The following VDAC1 variants were observed in gnomAD, a reference collection of about 807,000 sequenced individuals.
VDAC1 encodes non-selective voltage-gated ion channel VDAC1.
VDAC1 carries 10 observed loss-of-function variants against 34.7 expected under a neutral mutation model. The ratio of observed to expected loss-of-function variants is 0.29; its 90% CI spans 0.18 to 0.49. VDAC1 has a LOEUF of 0.49. VDAC1 is among the 20% of genes least tolerant of loss of function. The probability of loss-of-function intolerance (pLI) is 0.99; values close to 1 mark genes in which losing one functional copy is unlikely to be tolerated. For missense variants in VDAC1, 230 were observed against 347.9 expected (o/e 0.66, Z 2.69); for synonymous variants, 130 against 136.0 (o/e 0.96, Z 0.30).
At chr5:134,099,468 C>T in the VDAC1 span, among the ~76,000 whole-genome samples, 1 of 152,226 alleles carries the variant, frequency 6.6e-6, no homozygotes, top group African/African-American at 2.4e-5. Context: ...ACCAGCCTGG[C>T]GCAGTCCGGC....
chr5:134,103,354 T>C, the VDAC1 span, among the ~76,000 whole-genome samples: 172 of 152,278 alleles, frequency 1.1e-3, no homozygotes, highest in African/African-American at 3.8e-3. Flanking sequence ...ACTCCTGGGC[T>C]CCAAGTGATC....
chr5:134,093,061 A>G, the VDAC1 span, among the ~76,000 whole-genome samples: 3 of 152,244 alleles, frequency 2.0e-5, no homozygotes, highest in Non-Finnish European at 4.4e-5. Flanking sequence ...TGAGTCATAA[A>G]TCTACCAGCA....
chr5:133,989,469 C>T (rs1753022134), intron 5 of VDAC1, among the ~76,000 whole-genome samples: 1 of 151,638 alleles, frequency 6.6e-6, no homozygotes, highest in South Asian at 2.1e-4. Context: ...AAGCGATTCT[C>T]ATGCCTCAGC....
the VDAC1 span, among the ~76,000 whole-genome samples, chr5:134,015,126 G>A: frequency 6.6e-5 from 10 of 152,180 alleles, no homozygotes; most frequent in African/African-American, 2.2e-4. Flanking sequence ...ACCAAATACT[G>A]CATGTTCTCA....
At chr5:134,055,586 ATGTTTTTTT>A in the VDAC1 span, among the ~76,000 whole-genome samples, 80 of 60,076 alleles carry the variant, frequency 1.3e-3, no homozygotes, top group Non-Finnish European at 1.9e-3. Flanking sequence ...CGCCCCGCTA[ATGTTTTTTT>A]TTTTTTTTTT....
intron 1 of VDAC1, among the ~76,000 whole-genome samples, chr5:134,003,884 G>A (rs913035082): frequency 6.6e-6 from 1 of 152,214 alleles, no homozygotes; most frequent in African/African-American, 2.4e-5. Flanking sequence ...CCAAAGTCAG[G>A]CTCCGAAACA....
At chr5:134,064,835 A>G in the VDAC1 span, among the ~76,000 whole-genome samples, 1 of 151,430 alleles carries the variant, frequency 6.6e-6, no homozygotes, top group Non-Finnish European at 1.5e-5. Flanking sequence ...CTCCCACCTC[A>G]GCCTCCCAAG....
chr5:134,104,990 G>A, the VDAC1 span, among the ~76,000 whole-genome samples: 4 of 152,192 alleles, frequency 2.6e-5, no homozygotes, highest in South Asian at 2.1e-4. Flanking sequence ...CAAGTGAGGC[G>A]GCACTCTGAC....
chr5:134,077,904 G>A, the VDAC1 span, among the ~76,000 whole-genome samples: 2 of 152,230 alleles, frequency 1.3e-5, no homozygotes, highest in African/African-American at 4.8e-5. Flanking sequence ...CATGTTCAGA[G>A]CAATTCCCTG....
At chr5:133,995,049 G>A (rs1016807255) in intron 1 of VDAC1, among the ~76,000 whole-genome samples, 1 of 152,174 alleles carries the variant, frequency 6.6e-6, no homozygotes, top group East Asian at 1.9e-4. Flanking sequence ...TTCCCCAAAT[G>A]CCCTCTCTCA....
chr5:134,044,798 G>C, the VDAC1 span, among the ~76,000 whole-genome samples: 1 of 152,168 alleles, frequency 6.6e-6, no homozygotes, highest in Middle Eastern at 3.2e-3. Context: ...AATATTTCTT[G>C]AGCTCCTACC....
chr5:133,978,793 G>A (rs10069016), intron 6 of VDAC1, among the ~76,000 whole-genome samples: 31,604 of 151,968 alleles, frequency 0.21, 3,536 homozygotes, highest in East Asian at 0.45. Flanking sequence ...CGGGCAGATC[G>A]CTTGAGCTCA....
the VDAC1 span, among the ~76,000 whole-genome samples, chr5:134,017,729 C>T: frequency 5.9e-5 from 9 of 151,918 alleles, no homozygotes; most frequent in South Asian, 4.2e-4. Flanking sequence ...CTGGCTAACA[C>T]GGTGAAACCC....
At chr5:134,007,614 G>T (rs919699607), upstream of VDAC1, among the ~76,000 whole-genome samples, 14 of 152,268 alleles carry the variant, frequency 9.2e-5, no homozygotes, top group East Asian at 2.7e-3. Flanking sequence ...CCCAAGCCAG[G>T]TCAATCAGAT....
the VDAC1 span, among the ~76,000 whole-genome samples, chr5:134,068,117 CA>C: frequency 6.7e-6 from 1 of 149,952 alleles, no homozygotes; most frequent in Non-Finnish European, 1.5e-5. Context: ...GACTACATCT[CA>C]AAAAAAAATA....
the VDAC1 span, among the ~76,000 whole-genome samples, chr5:134,046,876 A>C: frequency 2.6e-5 from 4 of 152,256 alleles, no homozygotes; most frequent in African/African-American, 4.8e-5. Flanking sequence ...CGATCTTCTC[A>C]TCTGTAAAGT....
the VDAC1 span, among the ~76,000 whole-genome samples, chr5:134,101,610 G>A: frequency 6.6e-6 from 1 of 151,554 alleles, no homozygotes; most frequent in African/African-American, 2.4e-5. Flanking sequence ...CTTCACCGGC[G>A]TCGGCACAGG....
the VDAC1 span, among the ~76,000 whole-genome samples, chr5:134,072,604 CA>C: frequency 4.6e-5 from 7 of 152,228 alleles, no homozygotes; most frequent in African/African-American, 1.7e-4. Flanking sequence ...AAACACCGGA[CA>C]AATGCCCATT....
At chr5:134,077,880 T>C in the VDAC1 span, among the ~76,000 whole-genome samples, 54 of 152,344 alleles carry the variant, frequency 3.5e-4, no homozygotes, top group African/African-American at 1.2e-3. Context: ...CAGAGAAGGA[T>C]ATGAAAGGTA....
Sources: gnomAD v4.1 joint callset for allele counts (sites outside exome capture counted in the v4.1 genomes callset) on GRCh38, gnomAD v4.1.1 for gene constraint, MANE v1.5 for transcripts, NCBI Gene and HGNC (gene_info 2026-07-23, HGNC 2026-07-21) for gene names.